The following DMD variants were observed in gnomAD, a reference collection of about 807,000 sequenced individuals.
DMD encodes the protein dystrophin.
Under a neutral mutation model 330.1 loss-of-function variants are expected in DMD, and 63 were observed. The ratio of observed to expected loss-of-function variants is 0.19; its 90% CI spans 0.16 to 0.24. DMD has a LOEUF of 0.24. Ranked by LOEUF, DMD falls within the 10% of genes least tolerant of loss-of-function variation. The pLI is 1.00. For synonymous variants in DMD, 1,223 were observed against 959.8 expected, an observed-to-expected ratio of 1.27 and a Z score of -5.07; for missense variants, 3,344 against 2,684.1, an observed-to-expected ratio of 1.25 and a Z score of -5.43.
intron 55 of DMD, among the ~76,000 whole-genome samples, chrX:31,540,336 C>A (rs1284412549): frequency 8.9e-6 from 1 of 111,920 alleles, no homozygotes; most frequent in Non-Finnish European, 1.9e-5. Flanking sequence ...AATCAGGAGT[C>A]ATTATTTTTA....
chrX:31,178,851 T>C, intron 69 of DMD, 46 bp from the exon 70 acceptor site: 1 of 1,185,640 alleles, frequency 8.4e-7, no homozygotes, highest in East Asian at 3.0e-5. Flanking sequence ...CAGGATGATT[T>C]CAAAACTAAT....
chrX:32,658,845 A>C (rs5972639), intron 9 of DMD, among the ~76,000 whole-genome samples: 13,968 of 111,499 alleles, frequency 0.13, 1,973 homozygotes, highest in African/African-American at 0.42. Context: ...GGAGTAAAAT[A>C]AACATGAGGT....
At chrX:32,508,557 T>A (rs1421957665) in intron 18 of DMD, among the ~76,000 whole-genome samples, 1 of 111,756 alleles carries the variant, frequency 8.9e-6, no homozygotes, top group Non-Finnish European at 1.9e-5. Context: ...TACTTCGACC[T>A]TTCTGAACCT....
intron 29 of DMD, among the ~76,000 whole-genome samples, chrX:32,425,010 T>C (rs953798134): frequency 9.0e-6 from 1 of 111,612 alleles, no homozygotes; most frequent in African/African-American, 3.3e-5. Context: ...ATGTGTGTGG[T>C]TCTAAATAAA....
intron 41 of DMD, among the ~76,000 whole-genome samples, chrX:32,322,789 A>G (rs912809142): frequency 4.5e-5 from 5 of 111,428 alleles, no homozygotes; most frequent in South Asian, 3.7e-4. Flanking sequence ...ACAAGAAAAC[A>G]ATGGAAACTG....
At chrX:32,412,707 G>A (rs1427167005) in intron 29 of DMD, among the ~76,000 whole-genome samples, 2 of 111,222 alleles carry the variant, frequency 1.8e-5, no homozygotes, top group African/African-American at 6.5e-5. Context: ...AATAGGGCAG[G>A]CAACTTATTG....
At chrX:32,223,926 T>C (rs1456703447) in intron 43 of DMD, among the ~76,000 whole-genome samples, 1 of 111,655 alleles carries the variant, frequency 9.0e-6, no homozygotes, top group Admixed American at 9.6e-5. Flanking sequence ...ACACATTAGT[T>C]ATTTACTATA....
At chrX:32,145,603 C>T (rs1192162746) in intron 44 of DMD, among the ~76,000 whole-genome samples, 1 of 112,042 alleles carries the variant, frequency 8.9e-6, no homozygotes, top group Non-Finnish European at 1.9e-5. Flanking sequence ...TTTGAGACAA[C>T]AGTGATTTCC....
At chrX:32,457,900 A>G (rs2098367379) in intron 25 of DMD, among the ~76,000 whole-genome samples, 1 of 110,609 alleles carries the variant, frequency 9.0e-6, no homozygotes, top group South Asian at 3.8e-4. Flanking sequence ...TAATAATTAA[A>G]ATATATAACC....
At chrX:33,185,109 A>C (rs1225597009) in intron 1 of DMD, among the ~76,000 whole-genome samples, 4 of 110,846 alleles carry the variant, frequency 3.6e-5, no homozygotes, top group African/African-American at 1.3e-4. Flanking sequence ...TGAGTGCACC[A>C]TTTGCCAAAA....
At chrX:33,334,256 C>T (rs2148966709) in intron 1 of DMD, among the ~76,000 whole-genome samples, 1 of 111,777 alleles carries the variant, frequency 8.9e-6, no homozygotes, top group African/African-American at 3.2e-5. Flanking sequence ...CCATCTTTAT[C>T]TGTTAGGCTG....
chrX:32,340,544 C>G (rs1164194579), intron 41 of DMD, among the ~76,000 whole-genome samples: 1 of 111,201 alleles, frequency 9.0e-6, no homozygotes, highest in Admixed American at 9.6e-5. Context: ...AGCCATAAAG[C>G]ATTAGCAACT....
intron 1 of DMD, among the ~76,000 whole-genome samples, chrX:33,125,662 G>A (rs1249734468): frequency 2.7e-5 from 3 of 111,481 alleles, no homozygotes; most frequent in Non-Finnish European, 5.6e-5. Context: ...TTTTAAAGAC[G>A]TTCTAATTTT....
At chrX:33,307,680 C>T (rs2053784894) in intron 1 of DMD, among the ~76,000 whole-genome samples, 1 of 111,377 alleles carries the variant, frequency 9.0e-6, no homozygotes, top group African/African-American at 3.3e-5. Context: ...CAGAGCGAGA[C>T]TCCATCTCAG....
At chrX:31,651,674 A>G (rs990784892) in intron 54 of DMD, among the ~76,000 whole-genome samples, 1 of 111,191 alleles carries the variant, frequency 9.0e-6, no homozygotes, top group African/African-American at 3.3e-5. Context: ...CTCAGGCTAA[A>G]AATTCTTGAG....
chrX:32,504,715 C>T (rs1465332946), intron 18 of DMD, among the ~76,000 whole-genome samples: 1 of 110,997 alleles, frequency 9.0e-6, no homozygotes, highest in Non-Finnish European at 1.9e-5. Flanking sequence ...CTTGGATACA[C>T]ATGGATATAA....
chrX:32,767,890 G>T (rs1409314338), intron 7 of DMD, among the ~76,000 whole-genome samples: 1 of 111,368 alleles, frequency 9.0e-6, no homozygotes, highest in East Asian at 2.8e-4. Context: ...GTAAATCTCT[G>T]TTTGGGAGAA....
At chrX:32,858,698 G>T (rs189275251) in intron 2 of DMD, among the ~76,000 whole-genome samples, 2,047 of 106,093 alleles carry the variant, frequency 0.019, 59 homozygotes, top group African/African-American at 0.066. Context: ...GTCTGATGTG[G>T]TTTTTTTTTT....
chrX:32,996,448 G>T (rs182914416), intron 2 of DMD, among the ~76,000 whole-genome samples: 1 of 111,541 alleles, frequency 9.0e-6, no homozygotes, highest in Non-Finnish European at 1.9e-5. Flanking sequence ...CATGAAGAAG[G>T]ATATTAAAGT....
Sources: allele counts gnomAD v4.1 joint callset (sites outside exome capture counted in the v4.1 genomes callset), GRCh38; gene constraint gnomAD v4.1.1; transcripts MANE v1.5; gene names NCBI Gene and HGNC (gene_info 2026-07-23, HGNC 2026-07-21).